The following ATOSA variants were observed in gnomAD, a reference collection of about 807,000 sequenced individuals.
The protein encoded by ATOSA is atos homolog protein A.
the ATOSA span, among the ~76,000 whole-genome samples, chr15:52,663,878 G>A: frequency 1.3e-5 from 2 of 151,732 alleles, no homozygotes; most frequent in Non-Finnish European, 2.9e-5. Flanking sequence ...TTCCCACCTC[G>A]GTAATCAAAA....
the ATOSA span, among the ~76,000 whole-genome samples, chr15:52,623,158 C>A: frequency 7.8e-5 from 11 of 141,768 alleles, no homozygotes; most frequent in African/African-American, 1.3e-4. Flanking sequence ...GACTCCGTGT[C>A]AAAAAAAAAA....
chr15:52,605,825 C>G, the ATOSA span, among the ~76,000 whole-genome samples: 6 of 152,052 alleles, frequency 3.9e-5, no homozygotes, highest in African/African-American at 1.4e-4. Context: ...CTCTTATTCT[C>G]AGGGGATATA....
the ATOSA span, among the ~76,000 whole-genome samples, chr15:52,654,820 T>C: frequency 3.3e-5 from 5 of 152,108 alleles, no homozygotes; most frequent in Non-Finnish European, 5.9e-5. Flanking sequence ...AGAGATAACA[T>C]GCTATCTTTG....
At chr15:52,627,607 C>CA in the ATOSA span, among the ~76,000 whole-genome samples, 1 of 151,858 alleles carries the variant, frequency 6.6e-6, no homozygotes, top group African/African-American at 2.4e-5. Context: ...CAGGAAAACT[C>CA]AGATTATCAG....
chr15:52,589,504 C>A, the ATOSA span, among the ~76,000 whole-genome samples: 1 of 151,842 alleles, frequency 6.6e-6, no homozygotes, highest in Non-Finnish European at 1.5e-5. Context: ...ACATTCAATT[C>A]CAATAGTTTT....
the ATOSA span, among the ~76,000 whole-genome samples, chr15:52,583,582 C>T: frequency 6.6e-6 from 1 of 152,160 alleles, no homozygotes; most frequent in Admixed American, 6.5e-5. Flanking sequence ...GATGGGGTTT[C>T]ACCATGTTGG....
At chr15:52,614,044 G>A in the ATOSA span, 2 of 558,586 alleles carry the variant, frequency 3.6e-6, no homozygotes, top group Admixed American at 2.8e-5. Flanking sequence ...GGAGATGATG[G>A]ATAATTCCAA....
the ATOSA span, among the ~76,000 whole-genome samples, chr15:52,673,659 T>C: frequency 6.6e-6 from 1 of 152,376 alleles, no homozygotes; most frequent in Non-Finnish European, 1.5e-5. Context: ...GGCCGCTTTA[T>C]TTAATCTAGT....
the ATOSA span, among the ~76,000 whole-genome samples, chr15:52,684,953 A>G: frequency 6.6e-6 from 1 of 152,268 alleles, no homozygotes; most frequent in Admixed American, 6.5e-5. Flanking sequence ...GATTTCAAAG[A>G]CAGTGGGAAA....
At chr15:52,660,388 T>A in the ATOSA span, among the ~76,000 whole-genome samples, 2,793 of 152,298 alleles carry the variant, frequency 0.018, 92 homozygotes, top group African/African-American at 0.064. Flanking sequence ...TCTTTCTAAA[T>A]TCAGAACCTT....
At chr15:52,651,740 A>G in the ATOSA span, 1 of 883,614 alleles carries the variant, frequency 1.1e-6, no homozygotes, top group South Asian at 1.7e-5. Flanking sequence ...ATGGTTTTCA[A>G]AGTGAGATAA....
chr15:52,680,425 A>C, the ATOSA span, among the ~76,000 whole-genome samples: 1 of 152,190 alleles, frequency 6.6e-6, no homozygotes, highest in African/African-American at 2.4e-5. Flanking sequence ...TATTAGGACA[A>C]GTCTAAGGGG....
At chr15:52,692,536 T>C in the ATOSA span, among the ~76,000 whole-genome samples, 4 of 152,314 alleles carry the variant, frequency 2.6e-5, no homozygotes, top group Non-Finnish European at 5.9e-5. Context: ...GTATTTTTTG[T>C]AGAGACAGGG....
chr15:52,616,380 T>C, the ATOSA span, among the ~76,000 whole-genome samples: 1 of 152,190 alleles, frequency 6.6e-6, no homozygotes, highest in Non-Finnish European at 1.5e-5. Context: ...GAAGATCACA[T>C]AGAGCAAGAT....
the ATOSA span, among the ~76,000 whole-genome samples, chr15:52,701,392 T>G: frequency 7.9e-5 from 12 of 152,326 alleles, no homozygotes; most frequent in South Asian, 2.1e-4. Context: ...TGAGCCATAA[T>G]GGTGCCACTG....
chr15:52,652,109 G>A, the ATOSA span: 7 of 1,390,710 alleles, frequency 5.0e-6, no homozygotes, highest in Non-Finnish European at 6.5e-6. Context: ...ATTGGACAGA[G>A]GGTGTGCTCA....
the ATOSA span, among the ~76,000 whole-genome samples, chr15:52,659,120 CCTCAGCTTCTG>C: frequency 6.6e-6 from 1 of 152,198 alleles, no homozygotes; most frequent in Admixed American, 6.5e-5. Context: ...CATAGGGTAA[CCTCAGCTTCTG>C]ATTCACCTGT....
At chr15:52,631,294 C>T in the ATOSA span, among the ~76,000 whole-genome samples, 1 of 152,112 alleles carries the variant, frequency 6.6e-6, no homozygotes, top group Non-Finnish European at 1.5e-5. Flanking sequence ...TAAGGTGGTA[C>T]TAGTTAGTGA....
At chr15:52,701,013 T>C in the ATOSA span, among the ~76,000 whole-genome samples, 350 of 152,182 alleles carry the variant, frequency 2.3e-3, 6 homozygotes, top group South Asian at 0.016. Context: ...GAAACAAACA[T>C]ACAAGAATAG....
Sources: allele counts gnomAD v4.1 joint callset (sites outside exome capture counted in the v4.1 genomes callset), GRCh38; gene constraint gnomAD v4.1.1; transcripts MANE v1.5; gene names NCBI Gene and HGNC (gene_info 2026-07-23, HGNC 2026-07-21).